PTPRB: variants seen among roughly 807,000 people sequenced by gnomAD.
PTPRB encodes the protein protein tyrosine phosphatase receptor type B, also known as receptor-type tyrosine-protein phosphatase beta.
Under a neutral mutation model 238.1 loss-of-function variants are expected in PTPRB, and 97 were observed. That is an observed-to-expected ratio of 0.41 (90% CI 0.35 to 0.48). PTPRB has a LOEUF of 0.48. PTPRB is among the 20% of genes least tolerant of loss of function. PTPRB has a pLI of 0.30. For synonymous variants in PTPRB, 970 were observed against 995.4 expected (o/e 0.97, Z 0.48); for missense variants, 2,292 against 2,681.9 (o/e 0.85, Z 3.21).
intron 32 of PTPRB, among the ~76,000 whole-genome samples, chr12:70,530,354 A>G (rs1873020439): frequency 6.6e-6 from 1 of 152,170 alleles, no homozygotes; most frequent in African/African-American, 2.4e-5. Flanking sequence ...TCACATGTAC[A>G]CACTTATATA....
At chr12:70,577,795 C>G (rs1025851125) in intron 10 of PTPRB, among the ~76,000 whole-genome samples, 1 of 152,212 alleles carries the variant, frequency 6.6e-6, no homozygotes, top group Non-Finnish European at 1.5e-5. Context: ...GTGAACAACT[C>G]TGGTAATGTT....
intron 32 of PTPRB, chr12:70,527,683 G>A (rs1455080920): frequency 6.6e-6 from 1 of 152,196 alleles, no homozygotes; most frequent in African/African-American, 2.4e-5. Flanking sequence ...AGAAATGCTT[G>A]CTGTTTGGAA....
At position 70,516,099 on chromosome 12, in the gene PTPRB, G is replaced by T. The variant is rs1287930233; in HGVS notation, c.*5390C>A. 3 of 151,992 alleles carry T rather than the reference G, an allele frequency of 2.0e-5. No individual in the cohort carries two copies. Among genetic ancestry groups the T allele is most frequent in the African/African-American group, 7.2e-5 (3 of 41,380 alleles). The allele number at this position is 151,992 out of a possible 1,614,324, so 9.4% of individuals were successfully genotyped here. On this transcript the variant is annotated 3_prime_UTR_variant, in exon 34 of 34. Transcript: ENST00000334414. The stretch of plus-strand genomic sequence containing the variant: ...CTGCCATCTTAACTGGATTTTCAGA[G>T]AAATAATAAATGATATTAAAAACAT...
intron 6 of PTPRB, among the ~76,000 whole-genome samples, chr12:70,593,259 T>A (rs1421930148): frequency 6.6e-6 from 1 of 152,118 alleles, no homozygotes; most frequent in Non-Finnish European, 1.5e-5. Context: ...ATGCCTGTAA[T>A]CCCAACACTT....
rs182935410 is a variant in PTPRB, at chr12:70,593,108, T to C, written c.1517-563A>G. Among the ~76,000 whole-genome samples, 237 of 152,344 alleles carry C rather than the reference T, an allele frequency of 1.6e-3. 1 individual carries two copies. The highest frequency in any genetic ancestry group is 0.014 in the Admixed American group (214 of 15,304). On this transcript the variant is annotated intron_variant, in intron 6 of 33. Transcript: ENST00000334414. ...AAACTACTTTAATTTTTATATTAAA[T>C]CATGATAAAGTTAATGAGTTGTGTT... is the stretch of plus-strand genomic sequence containing the variant.
At chr12:70,544,890 T>C (rs554118956) in intron 21 of PTPRB, among the ~76,000 whole-genome samples, 29 of 152,320 alleles carry the variant, frequency 1.9e-4, no homozygotes, top group African/African-American at 6.5e-4. Flanking sequence ...GCTGGGACTT[T>C]GCAAGGAACA....
intron 10 of PTPRB, among the ~76,000 whole-genome samples, chr12:70,579,561 G>A (rs1346041854): frequency 6.6e-6 from 1 of 152,016 alleles, no homozygotes; most frequent in African/African-American, 2.4e-5. Context: ...GCTGGGCGTG[G>A]TGGTGCGTGC....
At chr12:70,592,680 A>C in intron 6 of PTPRB, 135 bp from the exon 7 acceptor site, 1 of 905,912 alleles carries the variant, frequency 1.1e-6, no homozygotes, top group South Asian at 1.8e-5. Flanking sequence ...CAAGAGGCAA[A>C]TATTATCCTC....
intron 26 of PTPRB, 36 bp from the exon 27 acceptor site, chr12:70,539,050 A>G (rs1460067656): frequency 1.4e-6 from 2 of 1,480,698 alleles, no homozygotes; most frequent in African/African-American, 1.4e-5. Flanking sequence ...AGTGGAGAAT[A>G]TGAAATAGAA....
In PTPRB at chr12:70,559,543, C is replaced by T; in HGVS notation, c.4514G>A (p.Trp1505Ter). Residue 1505 changes from tryptophan (W) to a stop codon, truncating the protein, a stop_gained, in exon 18 of 34, where the codon TGG becomes TAG. Coordinates refer to ENST00000334414, the MANE Select transcript of PTPRB (RefSeq NM_001109754.4). LOFTEE classifies it high-confidence loss of function. ...CAGCTCAAAGTCGTTGTAGTCTGTC[C>T]AGTCTGGGGGCCCTTTCCACGTGAT... ...LAITWKGPPD[W>*]TDYNDFELQW... 6.2e-7 allele frequency: 1 copy of T among 1,613,928 alleles called. No individual in the cohort carries two copies. The highest frequency in any genetic ancestry group is 8.5e-7 in the Non-Finnish European group (1 of 1,179,830).
Position 70,594,567 on chromosome 12 carries a change from G to A in PTPRB, c.1416C>T (p.Ser472=). 1 of 1,614,016 alleles carries A rather than the reference G, an allele frequency of 6.2e-7. No individual in the cohort carries two copies. The highest frequency in any genetic ancestry group is 1.3e-5 in the African/African-American group (1 of 75,042). Residue 472 remains serine (S), a synonymous_variant, in exon 6 of 34, where the codon TCC becomes TCT. Coordinates refer to ENST00000334414, the MANE Select transcript of PTPRB (RefSeq NM_001109754.4). ...HGGVVDKHAT[S]YAFHGLTPGY... ...CAGGGGTCAGCCCGTGAAAAGCATAGGAAGTAGCATGTTTGTCCACAACAC... is the reference window on the plus strand; with the variant it reads ...CAGGGGTCAGCCCGTGAAAAGCATAAGAAGTAGCATGTTTGTCCACAACAC...
chr12:70,632,763 A>G (rs564213072), intron 2 of PTPRB, among the ~76,000 whole-genome samples: 32 of 152,282 alleles, frequency 2.1e-4, no homozygotes, highest in African/African-American at 7.7e-4. Context: ...CATCAGAATC[A>G]CCTAGGAAGT....
rs565255605 is a variant in PTPRB, at chr12:70,595,539, G to A, written c.1258+510C>T. Among the ~76,000 whole-genome samples the A allele has an allele frequency of 2.0e-5, 3 of 152,262 alleles. No homozygotes were observed. The South Asian group carries it at 6.2e-4, about 32-fold the overall frequency. ...CATGAAAGACATGTACTTTATGGAA[G>A]GAGGTAGTGATGTGCCATGTATATC... On this transcript the variant is annotated intron_variant, in intron 5 of 33. Coordinates refer to ENST00000334414, the MANE Select transcript of PTPRB (RefSeq NM_001109754.4).
chr12:70,534,975 A>G lies in PTPRB; in HGVS notation c.6082-20T>C. The G allele has an allele frequency of 6.3e-7, 1 of 1,599,946 alleles. No individual in the cohort carries two copies. Among genetic ancestry groups the G allele is most frequent in the Non-Finnish European group, 8.5e-7 (1 of 1,171,910 alleles). On this transcript the variant is annotated intron_variant, in intron 29 of 33. Coordinates refer to ENST00000334414, the MANE Select transcript of PTPRB (RefSeq NM_001109754.4). ...CTTTACCTAGAACAGGACAGACAGA[A>G]AAAACATGAGTCCGGAAAAGTGACT...
In PTPRB at chr12:70,569,977, A is replaced by G. The variant is rs531442754; in HGVS notation, c.3371-39T>C. On this transcript the variant is annotated intron_variant, in intron 13 of 33. Transcript: ENST00000334414. Reference sequence around the variant, plus strand: ...TAAATTTAAAAGTCATCACTTAGAGAATGAACTGTTGAAATTTTCAAACAA... The same window carrying G: ...TAAATTTAAAAGTCATCACTTAGAGGATGAACTGTTGAAATTTTCAAACAA... 4.0e-5 allele frequency: 62 copies of G among 1,543,628 alleles called. 1 individual carries two copies. The South Asian group carries it at 6.2e-4, about 16-fold the overall frequency.
At chr12:70,635,503 T>C (rs17226486) in intron 2 of PTPRB, among the ~76,000 whole-genome samples, 168 bp downstream of exon 2, 18,782 of 152,224 alleles carry the variant, frequency 0.12, 1,629 homozygotes, top group Non-Finnish European at 0.18. Context: ...TTTCCATCAT[T>C]GGGCACGTCA....
intron 20 of PTPRB, 84 bp from the exon 21 acceptor site, chr12:70,553,104 G>A: frequency 2.8e-6 from 4 of 1,452,252 alleles, no homozygotes; most frequent in Non-Finnish European, 3.7e-6. Flanking sequence ...TTCTAAGGCT[G>A]CCTCCACATC....
At chr12:70,586,982 A>C in intron 9 of PTPRB, 25 bp downstream of exon 9, 1 of 1,591,870 alleles carries the variant, frequency 6.3e-7, no homozygotes, top group Admixed American at 1.7e-5. Context: ...ACACTTTAAA[A>C]TGTAAAATTT....
chr12:70,601,684 T>C (rs1446565400), intron 4 of PTPRB, among the ~76,000 whole-genome samples: 3 of 152,070 alleles, frequency 2.0e-5, no homozygotes, highest in African/African-American at 7.2e-5. Flanking sequence ...CATCCTTTGG[T>C]GCAGGTTTTT....
Sources: allele counts gnomAD v4.1 joint callset (sites outside exome capture counted in the v4.1 genomes callset), GRCh38; gene constraint gnomAD v4.1.1; transcripts MANE v1.5; gene names NCBI Gene and HGNC (gene_info 2026-07-23, HGNC 2026-07-21).